The following MAPKAPK5 variants were observed in gnomAD, a reference collection of about 807,000 sequenced individuals.
MAPKAPK5 encodes the protein MAPK activated protein kinase 5.
Under a neutral mutation model 65.1 loss-of-function variants are expected in MAPKAPK5, and 30 were observed. The ratio of observed to expected loss-of-function variants is 0.46; its 90% CI spans 0.34 to 0.63. MAPKAPK5 has a LOEUF of 0.63. MAPKAPK5 is among the 20% of genes least tolerant of loss of function. MAPKAPK5 has a pLI of 0.01. For synonymous variants in MAPKAPK5, 179 were observed against 204.6 expected, an observed-to-expected ratio of 0.87 and a Z score of 1.07; for missense variants, 433 against 581.4, an observed-to-expected ratio of 0.74 and a Z score of 2.63.
In MAPKAPK5 at chr12:111,898,154, C is replaced by A. The variant is rs1194819683; in HGVS notation, c.*5093C>A. 1 of 151,698 alleles carries A rather than the reference C, an allele frequency of 6.6e-6. No homozygotes were observed. The highest frequency in any genetic ancestry group is 2.4e-5 in the African/African-American group (1 of 41,278). The allele number at this position is 151,698 out of a possible 1,614,324, so 9.4% of individuals were successfully genotyped here. On this transcript the variant is annotated 3_prime_UTR_variant, in exon 14 of 14. Transcript: ENST00000550735. ...AATGTTAACTAGACACCTGGTTAGT[C>A]AGCTTTTATTTTGACCCCACAGTTT...
chr12:111,874,801 G>GCAC (rs2069907008), intron 7 of MAPKAPK5, among the ~76,000 whole-genome samples: 1 of 104,452 alleles, frequency 9.6e-6, no homozygotes, highest in African/African-American at 3.8e-5. Flanking sequence ...TTGAGATGGA[G>GCAC]GCTTGCTCTG....
intron 1 of MAPKAPK5, 40 bp from the exon 2 acceptor site, chr12:111,865,210 G>A (rs1450408779): frequency 1.5e-6 from 2 of 1,292,894 alleles, no homozygotes; most frequent in African/African-American, 3.0e-5. Context: ...TGTTAACTGA[G>A]GAATCATTCT....
rs1028262066 is a variant in MAPKAPK5, at chr12:111,896,560, A to G, written c.*3499A>G. 2.0e-5 allele frequency: 3 copies of G among 152,218 alleles called. No homozygotes were observed. The highest frequency in any genetic ancestry group is 4.4e-5 in the Non-Finnish European group (3 of 68,034). The allele number at this position is 152,218 out of a possible 1,614,324, so 9.4% of individuals were successfully genotyped here. On this transcript the variant is annotated 3_prime_UTR_variant, in exon 14 of 14. Coordinates refer to ENST00000550735, the MANE Select transcript of MAPKAPK5 (RefSeq NM_003668.4). ...CGAAATTTGCACATAACTGGAAGTG[A>G]AACGATATCTTTCTCATATTTTTTG...
chr12:111,891,741 AGGT>A (rs1352247353), intron 13 of MAPKAPK5, among the ~76,000 whole-genome samples: 21 of 150,972 alleles, frequency 1.4e-4, no homozygotes, highest in African/African-American at 4.6e-4. Context: ...TGGGAGGCGG[AGGT>A]TGCAGTGAGC....
At chr12:111,877,568 G>A (rs1413927169) in intron 7 of MAPKAPK5, among the ~76,000 whole-genome samples, 3 of 152,064 alleles carry the variant, frequency 2.0e-5, no homozygotes, top group Admixed American at 2.0e-4. Context: ...CCTGCCTTCT[G>A]TATATTTTCT....
chr12:111,897,704 T>A lies in MAPKAPK5; in HGVS notation c.*4643T>A, dbSNP rs917645821. 26 of 152,202 alleles carry A rather than the reference T, an allele frequency of 1.7e-4. No homozygotes were observed. The highest frequency in any genetic ancestry group is 5.8e-4 in the African/African-American group (24 of 41,454). The allele number at this position is 152,202 out of a possible 1,614,324, so 9.4% of individuals were successfully genotyped here. ...GGGTTTGTGACAGTATAAATTTTCT[T>A]GCTAGATGCTAATGATACATTGTAT... is the stretch of plus-strand genomic sequence containing the variant. On this transcript the variant is annotated 3_prime_UTR_variant, in exon 14 of 14. Coordinates refer to ENST00000550735, the MANE Select transcript of MAPKAPK5 (RefSeq NM_003668.4).
At chr12:111,851,625 C>G (rs533725423) in intron 1 of MAPKAPK5, among the ~76,000 whole-genome samples, 1 of 152,154 alleles carries the variant, frequency 6.6e-6, no homozygotes, top group African/African-American at 2.4e-5. Flanking sequence ...CGCACCTGGT[C>G]CAGGACTTTC....
chr12:111,853,776 C>G (rs867413454), intron 1 of MAPKAPK5, among the ~76,000 whole-genome samples: 10 of 152,152 alleles, frequency 6.6e-5, no homozygotes, highest in South Asian at 6.2e-4. Context: ...CTCAGGTGAT[C>G]CACCCGCCTT....
rs1030299455 is a variant in MAPKAPK5 at position 111,897,286 on chromosome 12, G to C, written c.*4225G>C. The C allele has an allele frequency of 1.8e-4, 28 of 152,314 alleles. No homozygotes were observed. Among genetic ancestry groups the C allele is most frequent in the Admixed American group, 9.2e-4 (14 of 15,296 alleles). The allele number at this position is 152,314 out of a possible 1,614,324, so 9.4% of individuals were successfully genotyped here. A position where few individuals can be genotyped will look rare whatever the true frequency, so the allele number is the denominator to read the frequency against. On this transcript the variant is annotated 3_prime_UTR_variant, in exon 14 of 14. Coordinates refer to ENST00000550735, the MANE Select transcript of MAPKAPK5 (RefSeq NM_003668.4). ...GAATTACTCTTTAAAAAGAGTTTAT[G>C]TTGCTTGTATTCATTTGAGAAAAAA...
rs113684917 is a variant in MAPKAPK5 at position 111,858,821 on chromosome 12, G to A, written c.37-6429G>A. Among the ~76,000 whole-genome samples the A allele has an allele frequency of 1.9e-4, 28 of 146,526 alleles. 4 individuals are homozygous for A. In the East Asian group the frequency reaches 2.9e-3, roughly 15 times the overall value. On this transcript the variant is annotated intron_variant, in intron 1 of 13. Transcript: ENST00000550735. ...CTCCTAAAGTGCTGGGATTACAGGC[G>A]TGAGCCACCGTGCTCAGCCTGTTGA...
chr12:111,852,417 C>A (rs2136075688), intron 1 of MAPKAPK5, among the ~76,000 whole-genome samples: 1 of 152,298 alleles, frequency 6.6e-6, no homozygotes, highest in Admixed American at 6.5e-5. Context: ...TGCACCTCCA[C>A]TTAATGAATA....
chr12:111,868,443 AAAACAAATGGGAAATC>A (rs910113659), intron 4 of MAPKAPK5, among the ~76,000 whole-genome samples: 2 of 152,210 alleles, frequency 1.3e-5, no homozygotes, highest in African/African-American at 4.8e-5. Context: ...TAGAATTTTA[AAAACAAATGGGAAATC>A]AAACAAATGG....
At position 111,883,592 on chromosome 12, in the gene MAPKAPK5, G is replaced by A. The variant is rs1285147385; in HGVS notation, c.672G>A (p.Leu224=). 2 of 1,611,916 alleles carry A rather than the reference G, an allele frequency of 1.2e-6. No homozygotes were observed. Among genetic ancestry groups the A allele is most frequent in the Non-Finnish European group, 1.7e-6 (2 of 1,179,238 alleles). ...TPYTYNKSCD[L]WSLGVIIYVM... is the part of the protein sequence containing the mutation. Reference sequence around the variant, plus strand: ...TTTTTTGCTTTCAGAGCTGTGACTTGTGGTCCCTAGGGGTGATTATCTATG... The same window carrying A: ...TTTTTTGCTTTCAGAGCTGTGACTTATGGTCCCTAGGGGTGATTATCTATG... Residue 224 remains leucine, a synonymous_variant, in exon 9 of 14, where the codon TTG becomes TTA. Transcript: ENST00000550735. The surrounding 1 kb of genome is among the most constrained non-coding windows in gnomAD (Gnocchi z 4.8).
rs143657543 is a variant in MAPKAPK5, at chr12:111,896,442, T to A, written c.*3381T>A. On this transcript the variant is annotated 3_prime_UTR_variant, in exon 14 of 14. Transcript: ENST00000550735. ...AAAAAAACAGTAGCTCCCAAGGGAC[T>A]CAGCATGGCTTGGTCTTCGAAGTGG... 212 of 152,316 alleles carry A rather than the reference T, an allele frequency of 1.4e-3. 1 individual carries two copies. Among genetic ancestry groups the A allele is most frequent in the African/African-American group, 4.8e-3 (198 of 41,578 alleles). 9.4% of individuals were successfully genotyped at this position (152,316 alleles called of 1,614,324 possible).
At position 111,868,842 on chromosome 12, in the gene MAPKAPK5, C is replaced by G. The variant is rs753361806; in HGVS notation, c.374C>G (p.Ala125Gly). The part of the protein sequence containing the change: ...SQHRHFTEKQ[A>G]SQVTKQIALA... ...CACCGGCACTTTACAGAGAAGCAAG[C>G]CAGCCAAGTAACAAAGCAGGCAAGT... The change falls in exon 5 of 14, where the codon GCC (alanine) becomes GGC (glycine). Residue 125 changes from alanine to glycine, a missense_variant. Ala to Gly is a moderately conservative substitution (Grantham distance 60). Around this residue, in one of 3 missense-constraint regions of MAPKAPK5, gnomAD observed 165 missense variants for 180.0 expected, o/e 0.92. Transcript: ENST00000550735. 2.6e-6 allele frequency: 4 copies of G among 1,560,902 alleles called. No homozygotes were observed. Among genetic ancestry groups the G allele is most frequent in the Non-Finnish European group, 1.7e-6 (2 of 1,152,538 alleles).
intron 13 of MAPKAPK5, among the ~76,000 whole-genome samples, chr12:111,891,357 C>T (rs2070601699): frequency 1.3e-5 from 2 of 151,662 alleles, no homozygotes; most frequent in South Asian, 4.2e-4. Context: ...CCACCTTGGC[C>T]TCCCAAAGTG....
intron 1 of MAPKAPK5, among the ~76,000 whole-genome samples, chr12:111,864,025 T>C (rs1458100715): frequency 5.3e-5 from 8 of 152,132 alleles, no homozygotes; most frequent in African/African-American, 1.7e-4. Flanking sequence ...CCCCAGCTAT[T>C]TGGGAGGCTG....
intron 8 of MAPKAPK5, chr12:111,882,959 T>A: frequency 2.2e-6 from 1 of 455,172 alleles, no homozygotes; most frequent in Non-Finnish European, 2.9e-6. Context: ...CCTATACCTG[T>A]ACACAGGGAT....
At chr12:111,859,100 A>T (rs1471835438) in intron 1 of MAPKAPK5, among the ~76,000 whole-genome samples, 1 of 147,356 alleles carries the variant, frequency 6.8e-6, no homozygotes, top group Non-Finnish European at 1.5e-5. Context: ...AGCTTAGGTG[A>T]CACTTTCCTG....
Sources: allele counts gnomAD v4.1 joint callset (sites outside exome capture counted in the v4.1 genomes callset), GRCh38; gene constraint gnomAD v4.1.1; regional missense constraint gnomAD v4.1.1; non-coding constraint Gnocchi (gnomAD v3.1); transcripts MANE v1.5; gene names NCBI Gene and HGNC (gene_info 2026-07-23, HGNC 2026-07-21).